Variants in ASAH1 observed in about 807,000 individuals in gnomAD.
The protein encoded by ASAH1 is acid ceramidase.
A neutral mutation model predicts 59.5 loss-of-function variants in ASAH1; 70 were observed. The ratio of observed to expected loss-of-function variants is 1.18; its 90% confidence interval spans 0.97 to 1.43. The LOEUF (loss-of-function observed/expected upper bound fraction) is 1.43, where lower values mean the gene tolerates loss of function less well. Among genes scored for constraint, ASAH1 ranks in the 40% most tolerant of loss-of-function variants. The pLI, the probability that ASAH1 is intolerant of heterozygous loss-of-function variation, is 0.00. For synonymous variants in ASAH1, 213 were observed against 166.5 expected (o/e 1.28, Z -2.15); for missense variants, 660 against 482.5 (o/e 1.37, Z -3.45).
At chr8:18,067,374 TA>T (rs1799977336) in intron 4 of ASAH1, 76 bp from the exon 5 acceptor site, 1 of 920,828 alleles carries the variant, frequency 1.1e-6, no homozygotes, top group African/African-American at 1.7e-5. Context: ...TAAACAAATA[TA>T]ATAAAAGCAT....
At chr8:18,077,316 TCACAAG>T (rs1800445706) in intron 1 of ASAH1, among the ~76,000 whole-genome samples, 1 of 152,268 alleles carries the variant, frequency 6.6e-6, no homozygotes, top group African/African-American at 2.4e-5. Flanking sequence ...CCTCGCATGT[TCACAAG>T]TTTTGTGAAT....
intron 1 of ASAH1, among the ~76,000 whole-genome samples, chr8:18,077,400 G>C (rs940255566): frequency 2.6e-5 from 4 of 152,164 alleles, no homozygotes; most frequent in Non-Finnish European, 5.9e-5. Flanking sequence ...GATCTTAGCA[G>C]ATTCCATTCC....
In ASAH1 at chr8:18,069,486, C is replaced by A. The variant is rs377694848; in HGVS notation, c.303+306G>T. On this transcript the variant is annotated intron_variant, in intron 4 of 13. Coordinates refer to ENST00000637790, the MANE Select transcript of ASAH1 (RefSeq NM_177924.5). ...TCCCTGAGACACTTAAGAAAAAAAACCAAGTCTTCAATAGTGAACTCACTA... is the reference window on the plus strand; with the variant it reads ...TCCCTGAGACACTTAAGAAAAAAAAACAAGTCTTCAATAGTGAACTCACTA... The A allele has an allele frequency of 1.9e-4, 51 of 263,262 alleles. 1 individual carries two copies. The South Asian group carries it at 2.2e-3, about 11-fold the overall frequency. The allele number at this position is 263,262 out of a possible 1,614,324, so 16.3% of individuals were successfully genotyped here. A position where few individuals can be genotyped will look rare whatever the true frequency, so the allele number is the denominator to read the frequency against.
chr8:18,073,356 C>T, intron 2 of ASAH1: 2 of 1,288,804 alleles, frequency 1.6e-6, no homozygotes, highest in South Asian at 2.7e-5. Context: ...AATTTATTTT[C>T]CTACTTCACT....
upstream of ASAH1, chr8:18,084,780 C>T: frequency 6.2e-7 from 1 of 1,613,630 alleles, no homozygotes; most frequent in Non-Finnish European, 8.5e-7. Flanking sequence ...GCTTTCTCTC[C>T]CAGCCCGATG....
chr8:18,062,753 A>C, intron 7 of ASAH1: 1 of 402,198 alleles, frequency 2.5e-6, no homozygotes, highest in South Asian at 2.3e-5. Flanking sequence ...TTGTCTCAGC[A>C]CTCAAGCAAT....
At chr8:18,071,877 T>C (rs1164560178) in intron 2 of ASAH1, among the ~76,000 whole-genome samples, 1 of 152,202 alleles carries the variant, frequency 6.6e-6, no homozygotes, top group Admixed American at 6.5e-5. Flanking sequence ...GCAACATGTA[T>C]TATCTTCCCA....
At chr8:18,070,108 G>A (rs1448802930) in intron 3 of ASAH1, among the ~76,000 whole-genome samples, 1 of 151,876 alleles carries the variant, frequency 6.6e-6, no homozygotes, top group Non-Finnish European at 1.5e-5. Context: ...AGCCTCCCAA[G>A]TAGCTGAGAT....
chr8:18,083,903 T>G, intron 1 of ASAH1, 78 bp downstream of exon 1: 2 of 1,542,354 alleles, frequency 1.3e-6, no homozygotes, highest in Middle Eastern at 1.7e-4. Flanking sequence ...TTGTACCCGC[T>G]CGCGCCGCCA....
Position 18,061,687 on chromosome 8 carries a change from C to A in ASAH1, c.702G>T (p.Leu234=). ...NERFSINGGY[L]GILEWILGKK... ...TTCACTTGAGAATGCTCTACTTACC[C>A]AGATAACCACCATTTATACTGAAAC... is the stretch of plus-strand genomic sequence containing the variant. Residue 234 remains leucine, a splice_region_variant and synonymous_variant, in exon 9 of 14, where the codon CTG becomes CTT. Transcript: ENST00000637790. 1 of 1,585,950 alleles carries A rather than the reference C, an allele frequency of 6.3e-7. No homozygotes were observed. Among genetic ancestry groups the A allele is most frequent in the East Asian group, 2.3e-5 (1 of 43,596 alleles).
At chr8:18,073,135 T>C (rs1267183214) in intron 2 of ASAH1, 1 of 986,294 alleles carries the variant, frequency 1.0e-6, no homozygotes, top group South Asian at 1.5e-5. Context: ...AACCAAATTA[T>C]TTTAATGACT....
chr8:18,068,778 G>C (rs1002262687), intron 4 of ASAH1: 2 of 152,212 alleles, frequency 1.3e-5, no homozygotes, highest in Admixed American at 6.6e-5. Context: ...ACAAAAAAGA[G>C]ACACCCACCC....
intron 2 of ASAH1, among the ~76,000 whole-genome samples, chr8:18,073,910 G>A (rs981559260): frequency 6.6e-6 from 1 of 152,062 alleles, no homozygotes; most frequent in African/African-American, 2.4e-5. Flanking sequence ...GGCAAGGAAA[G>A]AAACATACAA....
chr8:18,059,681 A>G lies in ASAH1; in HGVS notation c.808T>C (p.Leu270=), dbSNP rs1799612463. The change falls in exon 11 of 14, where the codon TTG becomes CTG. Residue 270 remains leucine (L), a synonymous_variant. Transcript: ENST00000637790. ...STSYEEAKNL[L]TKTKILAPAY... is the part of the protein sequence containing the mutation. ...GGGGCCAATATCTTGGTCTTGGTCAATAAATTCTTGGCTTCTTCATAACTA... is the reference window on the plus strand; with the variant it reads ...GGGGCCAATATCTTGGTCTTGGTCAGTAAATTCTTGGCTTCTTCATAACTA... 4 of 1,614,206 alleles carry G rather than the reference A, an allele frequency of 2.5e-6. No homozygotes were observed. Among genetic ancestry groups the G allele is most frequent in the East Asian group, 2.2e-5 (1 of 44,890 alleles).
At chr8:18,067,646 A>G (rs12155885) in intron 4 of ASAH1, 64,976 of 157,760 alleles carry the variant, frequency 0.41, 14,409 homozygotes, top group South Asian at 0.52. Flanking sequence ...CAAAAACATC[A>G]TAACAAGCAC....
At chr8:18,064,191 G>C (rs1336488668) in intron 6 of ASAH1, 2 of 574,354 alleles carry the variant, frequency 3.5e-6, no homozygotes, top group Non-Finnish European at 3.1e-6. Context: ...AGTAAACTAT[G>C]AGGAAGAGAA....
chr8:18,058,443 T>C, intron 13 of ASAH1: 1 of 188,676 alleles, frequency 5.3e-6, no homozygotes, highest in Non-Finnish European at 1.1e-5. Context: ...GATAAACAGA[T>C]GTAGTAAAGT....
At chr8:18,067,106 TGTGCTGTATATCTAAGACATACAGCACC>T in intron 5 of ASAH1, 86 bp downstream of exon 5, 1 of 465,458 alleles carries the variant, frequency 2.1e-6, no homozygotes, top group Non-Finnish European at 3.0e-6. Flanking sequence ...CCTGTGCACC[TGTGCTGTATATCTAAGACATACAGCACC>T]TGTGCTGTAT....
At chr8:18,065,881 A>ATT (rs1174195321) in intron 5 of ASAH1, 1 of 87,356 alleles carries the variant, frequency 1.1e-5, no homozygotes, top group African/African-American at 4.7e-5. Flanking sequence ...ACAGATACAC[A>ATT]TTGTGTGTGT....
Sources: gnomAD v4.1 joint callset for allele counts (sites outside exome capture counted in the v4.1 genomes callset) on GRCh38, gnomAD v4.1.1 for gene constraint, MANE v1.5 for transcripts, NCBI Gene and HGNC (gene_info 2026-07-23, HGNC 2026-07-21) for gene names.